The following COL23A1 variants were observed in gnomAD, a reference collection of about 807,000 sequenced individuals.
The protein encoded by COL23A1 is collagen alpha-1(XXIII) chain.
A neutral mutation model predicts 99.3 loss-of-function variants in COL23A1; 97 were observed. That is an observed-to-expected ratio of 0.98 (90% CI 0.83 to 1.16). The LOEUF (loss-of-function observed/expected upper bound fraction) is 1.16. Ranked by LOEUF, COL23A1 falls within the 50% of genes most tolerant of loss-of-function variation. The pLI is 0.00. For synonymous variants in COL23A1, 320 were observed against 308.2 expected (o/e 1.04, Z -0.40); for missense variants, 762 against 757.4 (o/e 1.01, Z -0.07).
At chr5:178,258,239 ATATATATATAT>A in intron 12 of COL23A1, among the ~76,000 whole-genome samples, 2 of 97,394 alleles carry the variant, frequency 2.1e-5, no homozygotes, top group African/African-American at 6.4e-5. Context: ...GTCTTAAAAT[ATATATATATAT>A]ATATATATAT....
intron 2 of COL23A1, among the ~76,000 whole-genome samples, chr5:178,411,931 T>C (rs1765076560): frequency 6.6e-6 from 1 of 152,234 alleles, no homozygotes; most frequent in African/African-American, 2.4e-5. Flanking sequence ...GTGTGTAATG[T>C]TACTGAGAGA....
At chr5:178,549,139 G>C (rs527401192) in intron 2 of COL23A1, among the ~76,000 whole-genome samples, 1 of 152,182 alleles carries the variant, frequency 6.6e-6, no homozygotes, top group South Asian at 2.1e-4. Flanking sequence ...GATAACAGGC[G>C]CATGCCACCA....
intron 2 of COL23A1, among the ~76,000 whole-genome samples, chr5:178,355,399 T>C (rs1242521630): frequency 6.6e-6 from 1 of 152,204 alleles, no homozygotes; most frequent in Non-Finnish European, 1.5e-5. Context: ...CACAACGCTA[T>C]ACAGATATGG....
chr5:178,334,171 C>A (rs1326831748), intron 2 of COL23A1, among the ~76,000 whole-genome samples: 1 of 152,200 alleles, frequency 6.6e-6, no homozygotes, highest in Non-Finnish European at 1.5e-5. Flanking sequence ...CTCTGGAGTG[C>A]GGCTGTGATG....
At chr5:178,271,454 TC>T (rs1055160250) in intron 5 of COL23A1, among the ~76,000 whole-genome samples, 10 of 152,220 alleles carry the variant, frequency 6.6e-5, no homozygotes, top group African/African-American at 2.4e-4. Context: ...TAGGGTTTTC[TC>T]CTTCCCAGAG....
chr5:178,331,555 G>A lies in COL23A1; in HGVS notation c.362-24636C>T, dbSNP rs528737083. Among the ~76,000 whole-genome samples the A allele has an allele frequency of 5.3e-5, 8 of 152,342 alleles. No homozygotes were observed. In the East Asian group the frequency reaches 9.6e-4, roughly 18 times the overall value. ...TGTAAATGGTCCCCAAGGAATCCGC[G>A]GCCCTCGGGGCAGGGTGCGGAGCAG... On this transcript the variant is annotated intron_variant, in intron 2 of 28. Transcript: ENST00000390654.
intron 5 of COL23A1, among the ~76,000 whole-genome samples, chr5:178,277,571 A>G (rs2127572782): frequency 6.6e-6 from 1 of 152,354 alleles, no homozygotes; most frequent in East Asian, 1.9e-4. Flanking sequence ...TCTGCAGGGC[A>G]TCTGATTTGT....
At chr5:178,331,655 G>C (rs1760029249) in intron 2 of COL23A1, among the ~76,000 whole-genome samples, 1 of 152,186 alleles carries the variant, frequency 6.6e-6, no homozygotes, top group South Asian at 2.1e-4. Flanking sequence ...TAGGGCGCCT[G>C]AGTTTAGACA....
Position 178,589,960 on chromosome 5 carries a change from GC to G in COL23A1, c.237del (p.Pro80ArgfsTer24). The G allele has an allele frequency of 3.8e-6, 5 of 1,328,526 alleles. No homozygotes were observed. The highest frequency in any genetic ancestry group is 2.0e-5 in the South Asian group (1 of 49,370). 82.3% of individuals were successfully genotyped at this position (1,328,526 alleles called of 1,614,324 possible). ...GCCCAGGCGTCCAGGGCGCCTGGCGGCCCCGCGCGCCGCAGCAGCTCCCGCT... is the reference window on the plus strand; with the variant it reads ...GCCCAGGCGTCCAGGGCGCCTGGCGGCCCGCGCGCCGCAGCAGCTCCCGCT... Reference protein sequence around the residue: ...EEERELLRRAGPPGALDAWAE... With the variant: ...EEERELLRRAXPPGALDAWAE... On this transcript the variant is annotated frameshift_variant, in exon 1 of 29. Coordinates refer to ENST00000390654, the MANE Select transcript of COL23A1 (RefSeq NM_173465.4). LOFTEE classifies it high-confidence loss of function. This position sits in a 1 kb window ranked among gnomAD's most constrained non-coding sequence, Gnocchi z 5.4.
intron 2 of COL23A1, among the ~76,000 whole-genome samples, chr5:178,464,127 G>A (rs115447947): frequency 4.6e-4 from 70 of 152,242 alleles, no homozygotes; most frequent in African/African-American, 1.5e-3. Context: ...AAGTGCATCC[G>A]CGATACCTTG....
intron 1 of COL23A1, among the ~76,000 whole-genome samples, chr5:178,569,428 G>A (rs1262938737): frequency 6.6e-6 from 1 of 152,182 alleles, no homozygotes; most frequent in Non-Finnish European, 1.5e-5. Flanking sequence ...GTTTTCCAAT[G>A]GTTTCGTGCT....
chr5:178,370,898 C>T (rs1031678204), intron 2 of COL23A1, among the ~76,000 whole-genome samples: 14 of 152,160 alleles, frequency 9.2e-5, no homozygotes, highest in African/African-American at 2.7e-4. Flanking sequence ...GCCGTGATCA[C>T]ATAACTGCAC....
intron 2 of COL23A1, among the ~76,000 whole-genome samples, chr5:178,541,898 C>A (rs528682822): frequency 1.3e-5 from 2 of 152,180 alleles, no homozygotes; most frequent in Admixed American, 1.3e-4. Context: ...GGTGAGAAAT[C>A]GGGATTATGT....
chr5:178,335,085 G>A (rs933723077), intron 2 of COL23A1, among the ~76,000 whole-genome samples: 11 of 152,248 alleles, frequency 7.2e-5, no homozygotes, highest in Non-Finnish European at 1.2e-4. Flanking sequence ...GTCTCAGAGC[G>A]GCTCAGGGCC....
chr5:178,409,322 A>G (rs1041593942), intron 2 of COL23A1, among the ~76,000 whole-genome samples: 1 of 152,216 alleles, frequency 6.6e-6, no homozygotes, highest in Non-Finnish European at 1.5e-5. Context: ...AATGCCACAC[A>G]TGGTATAATT....
chr5:178,520,135 T>G (rs1261387924), intron 2 of COL23A1, among the ~76,000 whole-genome samples: 1 of 152,106 alleles, frequency 6.6e-6, no homozygotes, highest in Admixed American at 6.6e-5. Flanking sequence ...TGGATGCATC[T>G]GAATGGTTGG....
chr5:178,323,669 C>T (rs144574888), intron 2 of COL23A1, among the ~76,000 whole-genome samples: 1 of 152,102 alleles, frequency 6.6e-6, no homozygotes, highest in Non-Finnish European at 1.5e-5. Context: ...GAGATGCCAC[C>T]GTCACCTTGG....
intron 3 of COL23A1, among the ~76,000 whole-genome samples, chr5:178,301,115 A>C (rs1758009700): frequency 6.6e-6 from 1 of 151,620 alleles, no homozygotes; most frequent in Admixed American, 6.6e-5. Flanking sequence ...ATTTTCCTTC[A>C]TTCTTTTCTC....
At chr5:178,556,389 G>A (rs927372141) in intron 2 of COL23A1, among the ~76,000 whole-genome samples, 6 of 152,158 alleles carry the variant, frequency 3.9e-5, no homozygotes, top group Non-Finnish European at 8.8e-5. Context: ...TTGGGAGGCC[G>A]AGGCGGGTGT....
Sources: allele counts gnomAD v4.1 joint callset (sites outside exome capture counted in the v4.1 genomes callset), GRCh38; gene constraint gnomAD v4.1.1; non-coding constraint Gnocchi (gnomAD v3.1); transcripts MANE v1.5; gene names NCBI Gene and HGNC (gene_info 2026-07-23, HGNC 2026-07-21).